Variants in RYK observed in about 807,000 individuals in gnomAD.
RYK encodes receptor like tyrosine kinase, also known as inactive tyrosine-protein kinase RYK.
In RYK, 21 loss-of-function variants were observed where a neutral mutation model predicts 70.2. The ratio of observed to expected loss-of-function variants is 0.30; its 90% CI spans 0.21 to 0.43. RYK has a LOEUF of 0.43. Among genes scored for constraint, RYK ranks in the 20% least tolerant of loss-of-function variants. The pLI is 1.00. For missense variants in RYK, 604 were observed against 753.3 expected (o/e 0.80, Z 2.32); for synonymous variants, 267 against 278.0 (o/e 0.96, Z 0.39).
chr3:134,176,280 G>A (rs982057184), intron 11 of RYK, among the ~76,000 whole-genome samples: 2 of 152,130 alleles, frequency 1.3e-5, no homozygotes, highest in Non-Finnish European at 2.9e-5. Flanking sequence ...TCTGTTAGAT[G>A]TATCTCCCCA....
At chr3:134,210,947 A>G (rs1225318145) in intron 3 of RYK, among the ~76,000 whole-genome samples, 1 of 152,218 alleles carries the variant, frequency 6.6e-6, no homozygotes. Context: ...CACGAGCAGA[A>G]AGAGGAAAAG....
intron 7 of RYK, among the ~76,000 whole-genome samples, chr3:134,193,240 G>A (rs1363970064): frequency 6.6e-6 from 1 of 151,090 alleles, no homozygotes; most frequent in African/African-American, 2.4e-5. Context: ...CTGGAGTGCA[G>A]TGGCGTGATC....
intron 12 of RYK, 60 bp downstream of exon 12, chr3:134,175,870 G>A: frequency 6.4e-7 from 1 of 1,552,780 alleles, no homozygotes; most frequent in Non-Finnish European, 8.9e-7. Flanking sequence ...GACTCGCAGA[G>A]AACCCCAAAT....
Position 134,159,384 on chromosome 3 carries a change from A to T in RYK, c.1576-11T>A. On this transcript the variant is annotated splice_polypyrimidine_tract_variant and intron_variant, in intron 13 of 14. Coordinates refer to ENST00000623711, the MANE Select transcript of RYK (RefSeq NM_002958.4). ...CACTCCAAAGGCCCACTAGTAAAGG[A>T]GCAGAAGCACAATGAGGGGACATTT... is the stretch of plus-strand genomic sequence containing the variant. 6.3e-7 allele frequency: 1 copy of T among 1,585,152 alleles called. No homozygotes were observed. The highest frequency in any genetic ancestry group is 8.6e-7 in the Non-Finnish European group (1 of 1,164,872).
At chr3:134,204,815 G>A (rs1240173819) in intron 5 of RYK, among the ~76,000 whole-genome samples, 1 of 152,096 alleles carries the variant, frequency 6.6e-6, no homozygotes, top group East Asian at 1.9e-4. Context: ...GTGAGATGGG[G>A]GATCATTGCA....
At chr3:134,214,245 A>G (rs1018477791) in intron 2 of RYK, among the ~76,000 whole-genome samples, 4 of 152,166 alleles carry the variant, frequency 2.6e-5, no homozygotes, top group African/African-American at 4.8e-5. Context: ...CTGACACGCT[A>G]AAGAATTACT....
intron 13 of RYK, among the ~76,000 whole-genome samples, chr3:134,169,372 A>G (rs1484249130): frequency 6.6e-6 from 1 of 152,208 alleles, no homozygotes; most frequent in Non-Finnish European, 1.5e-5. Context: ...GATGTAAATC[A>G]AGAACTCTAT....
rs73215372 is a variant in RYK at position 134,201,049 on chromosome 3, C to A, written c.788+1681G>T. 2.5e-3 allele frequency among the ~76,000 whole-genome samples: 385 copies of A among 152,330 alleles called. 1 individual carries two copies. The highest frequency in any genetic ancestry group is 4.0e-3 in the Non-Finnish European group (272 of 68,026). On this transcript the variant is annotated intron_variant, in intron 6 of 14. Transcript: ENST00000623711. Reference sequence around the variant, plus strand: ...ATTCAAGGAAAACGCAACTCTCTGGCTATATCAAGACTGACTTCCAAATGT... The same window carrying A: ...ATTCAAGGAAAACGCAACTCTCTGGATATATCAAGACTGACTTCCAAATGT...
chr3:134,230,967 A>C (rs1265797893), intron 1 of RYK, among the ~76,000 whole-genome samples: 1 of 152,192 alleles, frequency 6.6e-6, no homozygotes, highest in African/African-American at 2.4e-5. Flanking sequence ...ATTAATCTTA[A>C]GTGATCACCA....
intron 1 of RYK, among the ~76,000 whole-genome samples, chr3:134,233,824 GT>G (rs1560027195): frequency 6.6e-6 from 1 of 152,086 alleles, no homozygotes. Flanking sequence ...AGTAAAATGA[GT>G]TTTGCTTAGA....
chr3:134,242,252 C>A (rs1336594179), intron 1 of RYK, among the ~76,000 whole-genome samples: 1 of 151,750 alleles, frequency 6.6e-6, no homozygotes, highest in Non-Finnish European at 1.5e-5. Flanking sequence ...TTGCAGTGAG[C>A]CGAGATCATG....
At chr3:134,181,612 T>C (rs964766225) in intron 10 of RYK, 2 of 152,188 alleles carry the variant, frequency 1.3e-5, no homozygotes, top group Admixed American at 6.5e-5. Context: ...AGGAACTGTC[T>C]AAAGTATACA....
At chr3:134,213,344 T>C (rs1576524028) in intron 2 of RYK, among the ~76,000 whole-genome samples, 1 of 152,190 alleles carries the variant, frequency 6.6e-6, no homozygotes, top group African/African-American at 2.4e-5. Context: ...GTAATACATG[T>C]TATGAGGATC....
chr3:134,249,917 GTTTTTTTTTTTTT>G (rs71624038), intron 1 of RYK, among the ~76,000 whole-genome samples: 3 of 93,366 alleles, frequency 3.2e-5, no homozygotes, highest in South Asian at 3.9e-4. Flanking sequence ...TTTCTCTCTC[GTTTTTTTTTTTTT>G]TTTTTTTTTT....
intron 9 of RYK, among the ~76,000 whole-genome samples, chr3:134,184,058 T>C (rs2013385500): frequency 6.6e-6 from 1 of 152,198 alleles, no homozygotes; most frequent in Admixed American, 6.5e-5. Context: ...AGGTATAAAA[T>C]GACTACAAAA....
At chr3:134,169,136 C>A (rs553136852) in intron 13 of RYK, among the ~76,000 whole-genome samples, 13 of 152,274 alleles carry the variant, frequency 8.5e-5, no homozygotes, top group African/African-American at 2.9e-4. Flanking sequence ...CTCTTCACTG[C>A]CATAAACCAT....
At chr3:134,175,033 T>G (rs2013049432) in intron 13 of RYK, among the ~76,000 whole-genome samples, 1 of 152,224 alleles carries the variant, frequency 6.6e-6, no homozygotes, top group African/African-American at 2.4e-5. Context: ...GCCTATCTCC[T>G]AGTGTTAATA....
intron 2 of RYK, among the ~76,000 whole-genome samples, chr3:134,218,563 T>C (rs2014630813): frequency 1.3e-5 from 2 of 152,122 alleles, no homozygotes; most frequent in South Asian, 2.1e-4. Flanking sequence ...ACGGCATTTG[T>C]GGCAAACAGC....
intron 9 of RYK, among the ~76,000 whole-genome samples, chr3:134,185,509 G>A (rs1287523955): frequency 6.6e-6 from 1 of 152,172 alleles, no homozygotes; most frequent in Non-Finnish European, 1.5e-5. Context: ...AAAAGCCAAG[G>A]ATCTGAAACA....
Sources: gnomAD v4.1 joint callset for allele counts (sites outside exome capture counted in the v4.1 genomes callset) on GRCh38, gnomAD v4.1.1 for gene constraint, MANE v1.5 for transcripts, NCBI Gene and HGNC (gene_info 2026-07-23, HGNC 2026-07-21) for gene names.